The following LAMA3 variants were observed in gnomAD, a reference collection of about 807,000 sequenced individuals.
LAMA3 encodes laminin subunit alpha 3, also known as laminin subunit alpha-3.
A neutral mutation model predicts 402.0 loss-of-function variants in LAMA3; 281 were observed. The ratio of observed to expected loss-of-function variants is 0.70; its 90% CI spans 0.63 to 0.77. LAMA3 has a LOEUF of 0.77. Among genes scored for constraint, LAMA3 ranks in the 30% least tolerant of loss-of-function variants. The pLI is 0.00. For missense variants in LAMA3, 3,840 were observed against 4,215.5 expected (o/e 0.91, Z 2.47); for synonymous variants, 1,431 against 1,558.4 (o/e 0.92, Z 1.93).
intron 24 of LAMA3, 61 bp from the exon 25 acceptor site, chr18:23,836,920 G>T: frequency 8.4e-7 from 1 of 1,195,842 alleles, no homozygotes. Flanking sequence ...AACCCAGAAG[G>T]ATGTGCAGAA....
intron 7 of LAMA3, among the ~76,000 whole-genome samples, chr18:23,762,405 A>G (rs1210149202): frequency 6.6e-6 from 1 of 151,464 alleles, no homozygotes; most frequent in Non-Finnish European, 1.5e-5. Flanking sequence ...CCTGGTCAAC[A>G]TGGTGAAACC....
chr18:23,841,681 G>A (rs531066037), intron 27 of LAMA3, among the ~76,000 whole-genome samples: 1 of 152,260 alleles, frequency 6.6e-6, no homozygotes, highest in African/African-American at 2.4e-5. Context: ...CCAGCACTTT[G>A]GGAGGCCAAG....
At chr18:23,837,388 G>T in intron 25 of LAMA3, 1 of 308,954 alleles carries the variant, frequency 3.2e-6, no homozygotes, top group South Asian at 3.7e-5. Context: ...ATATTTCCTA[G>T]TTTACCATTA....
chr18:23,886,993 A>C (rs1422694121), intron 41 of LAMA3, among the ~76,000 whole-genome samples: 2 of 152,358 alleles, frequency 1.3e-5, no homozygotes, highest in Admixed American at 6.5e-5. Flanking sequence ...ATTCTATGGC[A>C]AAAGATGGTA....
intron 69 of LAMA3, 122 bp downstream of exon 69, chr18:23,944,093 C>A: frequency 3.2e-6 from 3 of 934,168 alleles, no homozygotes; most frequent in Non-Finnish European, 5.0e-6. Context: ...AGCTTGTGTG[C>A]TTGCAGGCGC....
At position 23,921,058 on chromosome 18, in the gene LAMA3, C is replaced by G. The variant is rs1447015444; in HGVS notation, c.8043+4C>G. ...AAACAACGGCAGAGACCATTCGGTA[C>G]ACCTTTTGAGTCTGTTTACTTGAAT... On this transcript the variant is annotated splice_donor_region_variant and intron_variant, in intron 61 of 74. Coordinates refer to ENST00000313654, the MANE Select transcript of LAMA3 (RefSeq NM_198129.4). 6.2e-7 allele frequency: 1 copy of G among 1,613,888 alleles called. No individual in the cohort carries two copies. The highest frequency in any genetic ancestry group is 1.3e-5 in the African/African-American group (1 of 75,030).
At chr18:23,822,493 T>C (rs1220136106) in intron 20 of LAMA3, 118 bp downstream of exon 20, 1 of 1,124,764 alleles carries the variant, frequency 8.9e-7, no homozygotes, top group East Asian at 2.5e-5. Flanking sequence ...TGGCTCATGG[T>C]CTGGTTAGAC....
intron 32 of LAMA3, among the ~76,000 whole-genome samples, chr18:23,854,917 A>T (rs573485709): frequency 6.6e-4 from 98 of 147,812 alleles, no homozygotes; most frequent in African/African-American, 2.4e-3. Flanking sequence ...CCCAGGAGGC[A>T]GAGCTTGCAG....
intron 39 of LAMA3, among the ~76,000 whole-genome samples, chr18:23,880,394 A>G (rs2064857703): frequency 6.6e-6 from 1 of 152,226 alleles, no homozygotes; most frequent in African/African-American, 2.4e-5. Flanking sequence ...AAGAAAGGAT[A>G]TTTTAACATC....
chr18:23,822,394 A>G lies in LAMA3; in HGVS notation c.2428+19A>G, dbSNP rs1484633574. 2 of 1,610,130 alleles carry G rather than the reference A, an allele frequency of 1.2e-6. No homozygotes were observed. Among genetic ancestry groups the G allele is most frequent in the Non-Finnish European group, 1.7e-6 (2 of 1,176,586 alleles). On this transcript the variant is annotated intron_variant, in intron 20 of 74. Transcript: ENST00000313654. Reference sequence around the variant, plus strand: ...TCCTGGGGTAAGGCACGTAGGTAAAATGTCAAGCCTCTTTTCAATTAAGAA... The same window carrying G: ...TCCTGGGGTAAGGCACGTAGGTAAAGTGTCAAGCCTCTTTTCAATTAAGAA...
At chr18:23,939,559 A>G (rs937790253) in intron 68 of LAMA3, among the ~76,000 whole-genome samples, 173 bp downstream of exon 68, 2 of 152,210 alleles carry the variant, frequency 1.3e-5, no homozygotes, top group East Asian at 1.9e-4. Flanking sequence ...ATTGCCTGCC[A>G]TGTGCTTTCC....
At chr18:23,786,813 G>A (rs1171699562) in intron 12 of LAMA3, among the ~76,000 whole-genome samples, 3 of 152,168 alleles carry the variant, frequency 2.0e-5, no homozygotes. Context: ...GATAGAAATT[G>A]TTTTACAAAA....
At chr18:23,864,919 G>A in intron 36 of LAMA3, 36 bp downstream of exon 36, 2 of 1,335,742 alleles carry the variant, frequency 1.5e-6, no homozygotes, top group Non-Finnish European at 2.2e-6. Flanking sequence ...GGCAGGAAGT[G>A]GCAGTTGCAG....
At chr18:23,941,347 T>C (rs2082512824) in intron 68 of LAMA3, among the ~76,000 whole-genome samples, 1 of 74,254 alleles carries the variant, frequency 1.3e-5, no homozygotes, top group Admixed American at 2.1e-4. Flanking sequence ...GCCCGGCAGC[T>C]TCTCTCTCAA....
chr18:23,876,950 G>A (rs1443868980), intron 39 of LAMA3, among the ~76,000 whole-genome samples: 1 of 152,178 alleles, frequency 6.6e-6, no homozygotes, highest in Non-Finnish European at 1.5e-5. Context: ...GAACCCTGGA[G>A]GCAGAGGTTG....
At chr18:23,810,260 G>C (rs1034832112) in intron 12 of LAMA3, 106 bp from the exon 13 acceptor site, 2 of 1,337,728 alleles carry the variant, frequency 1.5e-6, no homozygotes, top group African/African-American at 2.9e-5. Flanking sequence ...TGGAATTTGT[G>C]TTTGGGTCTT....
intron 43 of LAMA3, 138 bp from the exon 44 acceptor site, chr18:23,894,769 C>A (rs2080815299): frequency 9.6e-7 from 1 of 1,036,844 alleles, no homozygotes; most frequent in Non-Finnish European, 1.5e-6. Flanking sequence ...CCACATCCAT[C>A]CCTGAGAAGG....
At chr18:23,921,363 G>C in intron 61 of LAMA3, 89 bp from the exon 62 acceptor site, 1 of 1,399,134 alleles carries the variant, frequency 7.1e-7, no homozygotes, top group Non-Finnish European at 9.7e-7. Flanking sequence ...TCTGGGGGAA[G>C]ATAAATAAAA....
Position 23,842,762 on chromosome 18 carries a change from T to C in LAMA3, c.3603+12T>C, listed in dbSNP as rs2063732803. 1 of 1,613,960 alleles carries C rather than the reference T, an allele frequency of 6.2e-7. No individual in the cohort carries two copies. The highest frequency in any genetic ancestry group is 8.5e-7 in the Non-Finnish European group (1 of 1,180,018). On this transcript the variant is annotated intron_variant, in intron 29 of 74. Transcript: ENST00000313654. ...AGTCCTTGGTTTTGGTGCGTTCCAC[T>C]CGTTCCTCAACTTGCTCCTCACATG... is the stretch of plus-strand genomic sequence containing the variant.
Sources: gnomAD v4.1 joint callset for allele counts (sites outside exome capture counted in the v4.1 genomes callset) on GRCh38, gnomAD v4.1.1 for gene constraint, MANE v1.5 for transcripts, NCBI Gene and HGNC (gene_info 2026-07-23, HGNC 2026-07-21) for gene names.